RASSF3: variants seen among roughly 807,000 people sequenced by gnomAD.
RASSF3 encodes the protein Ras association domain family member 3.
RASSF3 carries 19 observed loss-of-function variants against 19.9 expected under a neutral mutation model. The ratio of observed to expected loss-of-function variants is 0.96; its 90% CI spans 0.67 to 1.40. The LOEUF is 1.40. Ranked by LOEUF, RASSF3 falls within the 40% of genes most tolerant of loss-of-function variation. The pLI, the probability that RASSF3 is intolerant of heterozygous loss-of-function variation, is 0.00. For missense variants in RASSF3, 306 were observed against 289.8 expected (o/e 1.06, Z -0.41); for synonymous variants, 110 against 104.2 (o/e 1.06, Z -0.34).
chr12:64,522,228 G>A (rs558586281), intron 1 of RASSF3, among the ~76,000 whole-genome samples: 18 of 152,096 alleles, frequency 1.2e-4, no homozygotes, highest in East Asian at 1.9e-4. Context: ...GATATTCTCC[G>A]GGCTCAAAAC....
chr12:64,624,723 G>A (rs1262881834), intron 1 of RASSF3, among the ~76,000 whole-genome samples: 2 of 152,044 alleles, frequency 1.3e-5, no homozygotes, highest in Admixed American at 6.6e-5. Flanking sequence ...GCAGTGGCGC[G>A]ATCTAGGCTC....
intron 2 of RASSF3, among the ~76,000 whole-genome samples, chr12:64,554,864 G>A (rs948120953): frequency 7.2e-5 from 11 of 152,284 alleles, no homozygotes; most frequent in Non-Finnish European, 1.3e-4. Flanking sequence ...GCACATAGTG[G>A]AGGCTCAATT....
intron 4 of RASSF3, among the ~76,000 whole-genome samples, chr12:64,694,322 CGTACCGAGG>C (rs1868324833): frequency 6.6e-6 from 1 of 152,026 alleles, no homozygotes; most frequent in Admixed American, 6.6e-5. Context: ...ACCAAGGGGC[CGTACCGAGG>C]GAGAAAAGGC....
chr12:64,519,060 T>C (rs529249048), intron 1 of RASSF3, among the ~76,000 whole-genome samples: 3 of 152,204 alleles, frequency 2.0e-5, no homozygotes, highest in Non-Finnish European at 1.5e-5. Context: ...CATGGGTATA[T>C]GATTTGAAGT....
chr12:64,528,918 C>T (rs78479861), upstream of RASSF3, among the ~76,000 whole-genome samples: 17 of 152,322 alleles, frequency 1.1e-4, no homozygotes, highest in East Asian at 3.1e-3. Flanking sequence ...CCTCACCACT[C>T]GCAAACTTGA....
At chr12:64,673,064 G>A (rs532754419) in intron 1 of RASSF3, among the ~76,000 whole-genome samples, 5 of 152,194 alleles carry the variant, frequency 3.3e-5, no homozygotes, top group Middle Eastern at 3.4e-3. Context: ...TCCTTTCTCC[G>A]GAAACTGTCC....
upstream of RASSF3, among the ~76,000 whole-genome samples, chr12:64,530,605 G>C (rs1868688439): frequency 6.6e-6 from 1 of 152,178 alleles, no homozygotes; most frequent in Non-Finnish European, 1.5e-5. Flanking sequence ...GAATGGCTGT[G>C]TCATATGGTA....
chr12:64,660,462 T>C (rs1157047442), intron 1 of RASSF3, among the ~76,000 whole-genome samples: 2 of 152,170 alleles, frequency 1.3e-5, no homozygotes, highest in Non-Finnish European at 2.9e-5. Flanking sequence ...CCAGTATTTA[T>C]GAGAAAGCTG....
At chr12:64,528,693 A>G (rs1481539126), upstream of RASSF3, among the ~76,000 whole-genome samples, 1 of 152,236 alleles carries the variant, frequency 6.6e-6, no homozygotes, top group Non-Finnish European at 1.5e-5. Context: ...GCATAGGTTC[A>G]CCTCATTTCA....
chr12:64,669,046 C>G (rs952328820), intron 1 of RASSF3, among the ~76,000 whole-genome samples: 1 of 152,164 alleles, frequency 6.6e-6, no homozygotes, highest in South Asian at 2.1e-4. Flanking sequence ...TCATATATTA[C>G]ACAAACCCTA....
intron 1 of RASSF3, among the ~76,000 whole-genome samples, chr12:64,524,052 C>CTTT (rs35141966): frequency 5.0e-5 from 6 of 120,088 alleles, no homozygotes; most frequent in South Asian, 5.7e-4. Context: ...TGTACTTGCT[C>CTTT]TTTTTTTTTT....
intron 1 of RASSF3, among the ~76,000 whole-genome samples, chr12:64,616,895 G>A (rs1870571992): frequency 6.6e-6 from 1 of 152,136 alleles, no homozygotes; most frequent in South Asian, 2.1e-4. Flanking sequence ...TGGAGTTGCC[G>A]CCCTCCATTC....
chr12:64,513,197 C>A (rs1171993576), intron 1 of RASSF3, among the ~76,000 whole-genome samples: 2 of 152,022 alleles, frequency 1.3e-5, no homozygotes, highest in Admixed American at 1.3e-4. Flanking sequence ...GTAATCTCAG[C>A]ACTTTGGGAG....
In RASSF3 at chr12:64,670,189, G is replaced by A. The variant is rs114758200; in HGVS notation, c.112-14598G>A. On this transcript the variant is annotated intron_variant, in intron 1 of 4. Coordinates refer to ENST00000542104, the MANE Select transcript of RASSF3 (RefSeq NM_178169.4). ...ATTAAGGAGGACGGACAGCCTTGTG[G>A]CGTTGGTGCCTCTGTTTTGTGTCTA... Among the ~76,000 whole-genome samples the A allele has an allele frequency of 4.7e-3, 711 of 152,260 alleles. 11 individuals carry two copies. The highest frequency in any genetic ancestry group is 0.016 in the African/African-American group (660 of 41,538).
intron 1 of RASSF3, among the ~76,000 whole-genome samples, chr12:64,619,065 T>C (rs565835723): frequency 6.6e-6 from 1 of 152,326 alleles, no homozygotes; most frequent in Non-Finnish European, 1.5e-5. Context: ...AACTTAAAAT[T>C]ATGCATGTGG....
At chr12:64,670,713 T>C (rs1222430621) in intron 1 of RASSF3, among the ~76,000 whole-genome samples, 1 of 152,242 alleles carries the variant, frequency 6.6e-6, no homozygotes, top group Non-Finnish European at 1.5e-5. Context: ...GCCAGATTAC[T>C]AATTCCCTAC....
At chr12:64,574,887 G>A (rs1363563038) in intron 2 of RASSF3, among the ~76,000 whole-genome samples, 1 of 152,154 alleles carries the variant, frequency 6.6e-6, no homozygotes, top group Non-Finnish European at 1.5e-5. Flanking sequence ...CACTGGCTTT[G>A]TGGTTCTTTT....
intron 1 of RASSF3, among the ~76,000 whole-genome samples, chr12:64,632,196 A>G (rs1871190002): frequency 6.6e-6 from 1 of 152,070 alleles, no homozygotes; most frequent in Admixed American, 6.6e-5. Context: ...CCGGGCCAGA[A>G]GAGGGGAGTG....
chr12:64,672,292 C>T (rs1001764930), intron 1 of RASSF3, among the ~76,000 whole-genome samples: 1 of 152,156 alleles, frequency 6.6e-6, no homozygotes, highest in East Asian at 1.9e-4. Flanking sequence ...GTGGCACAAT[C>T]TCAGCTCACT....
Sources: gnomAD v4.1 joint callset for allele counts (sites outside exome capture counted in the v4.1 genomes callset) on GRCh38, gnomAD v4.1.1 for gene constraint, MANE v1.5 for transcripts, NCBI Gene and HGNC (gene_info 2026-07-23, HGNC 2026-07-21) for gene names.